ARHGEF28: variants seen among roughly 807,000 people sequenced by gnomAD.
ARHGEF28 encodes 190 kDa guanine nucleotide exchange factor.
In ARHGEF28, 152 loss-of-function variants were observed where a neutral mutation model predicts 206.6. The ratio of observed to expected loss-of-function variants is 0.74; its 90% CI spans 0.64 to 0.84. The LOEUF (loss-of-function observed/expected upper bound fraction) is 0.84. ARHGEF28 is among the 40% of genes least tolerant of loss of function. The pLI is 0.00. For missense variants in ARHGEF28, 2,028 were observed against 2,073.2 expected (o/e 0.98, Z 0.42); for synonymous variants, 763 against 776.4 (o/e 0.98, Z 0.29).
intron 4 of ARHGEF28, among the ~76,000 whole-genome samples, chr5:73,760,735 C>A (rs1348018666): frequency 6.6e-6 from 1 of 152,058 alleles, no homozygotes; most frequent in Non-Finnish European, 1.5e-5. Flanking sequence ...TGTTTTCTGG[C>A]AGTAAAGAAT....
chr5:73,832,028 T>C (rs190336234), intron 9 of ARHGEF28, among the ~76,000 whole-genome samples: 7 of 152,316 alleles, frequency 4.6e-5, no homozygotes, highest in African/African-American at 1.4e-4. Context: ...TGAAGTTTAA[T>C]TTAAAAATAT....
At chr5:73,703,804 G>C (rs1748748510) in intron 2 of ARHGEF28, among the ~76,000 whole-genome samples, 1 of 151,980 alleles carries the variant, frequency 6.6e-6, no homozygotes, top group South Asian at 2.1e-4. Flanking sequence ...TTGGGAGGCC[G>C]AGGCGGGCAG....
chr5:73,858,056 C>CACT (rs770907765), intron 15 of ARHGEF28, 31 bp from the exon 16 acceptor site: 36 of 1,569,022 alleles, frequency 2.3e-5, no homozygotes, highest in Non-Finnish European at 2.9e-5. Flanking sequence ...CATTTTTCCC[C>CACT]ACTTTCCTAC....
At chr5:73,745,886 T>C (rs1405608791) in intron 2 of ARHGEF28, among the ~76,000 whole-genome samples, 1 of 152,100 alleles carries the variant, frequency 6.6e-6, no homozygotes, top group Non-Finnish European at 1.5e-5. Flanking sequence ...GAAGACTAAA[T>C]TTATTCAAAT....
At chr5:73,897,196 A>G (rs6886723) in intron 29 of ARHGEF28, among the ~76,000 whole-genome samples, 8,394 of 152,256 alleles carry the variant, frequency 0.055, 759 homozygotes, top group African/African-American at 0.19. Context: ...CCTAATAGAT[A>G]ATAGAATGCT....
At chr5:73,710,148 G>A (rs947224832) in intron 2 of ARHGEF28, among the ~76,000 whole-genome samples, 1 of 152,184 alleles carries the variant, frequency 6.6e-6, no homozygotes, top group Non-Finnish European at 1.5e-5. Context: ...GTTTTCCAAA[G>A]TAGCTGTTTT....
At position 73,896,354 on chromosome 5, in the gene ARHGEF28, G is replaced by A. The variant is rs568337422; in HGVS notation, c.3842-1608G>A. 7.2e-5 allele frequency among the ~76,000 whole-genome samples: 11 copies of A among 152,284 alleles called. No individual in the cohort carries two copies. The East Asian group carries it at 9.7e-4, about 13-fold the overall frequency. ...GTAGCAGATGTCAGCGGGGGTCACCGTTAGATGAGGTGGTGTGGGCCAGGC... is the reference window on the plus strand; with the variant it reads ...GTAGCAGATGTCAGCGGGGGTCACCATTAGATGAGGTGGTGTGGGCCAGGC... On this transcript the variant is annotated intron_variant, in intron 29 of 35. Transcript: ENST00000513042.
chr5:73,816,614 CAA>C (rs113097997), intron 9 of ARHGEF28, among the ~76,000 whole-genome samples: 75 of 152,244 alleles, frequency 4.9e-4, no homozygotes, highest in Middle Eastern at 6.8e-3. Flanking sequence ...GATTTGGTAA[CAA>C]GAGGAAAATA....
At chr5:73,873,351 C>T (rs1760232520) in intron 22 of ARHGEF28, 105 bp downstream of exon 22, 1 of 1,353,134 alleles carries the variant, frequency 7.4e-7, no homozygotes, top group Admixed American at 2.6e-5. Context: ...TTGAAACATT[C>T]ATAGTGACAT....
chr5:73,892,046 A>G lies in ARHGEF28; in HGVS notation c.3388-6A>G, dbSNP rs186938285. The G allele has an allele frequency of 1.5e-4, 241 of 1,595,876 alleles. No individual in the cohort carries two copies. The highest frequency in any genetic ancestry group is 1.8e-4 in the Non-Finnish European group (205 of 1,170,134). On this transcript the variant is annotated splice_polypyrimidine_tract_variant and splice_region_variant and intron_variant, in intron 26 of 35. Coordinates refer to ENST00000513042, the MANE Select transcript of ARHGEF28 (RefSeq NM_001177693.2). ...TTTCATCTGCTCACCTTCCTATTTT[A>G]TGTAGGATCAGAAGCCATCAGTTAT... is the stretch of plus-strand genomic sequence containing the variant.
chr5:73,832,910 A>G (rs1450237434), intron 10 of ARHGEF28, among the ~76,000 whole-genome samples: 1 of 152,236 alleles, frequency 6.6e-6, no homozygotes, highest in African/African-American at 2.4e-5. Flanking sequence ...TAATCGATAC[A>G]ACGCATCTAT....
chr5:73,892,183 G>A lies in ARHGEF28; in HGVS notation c.3519G>A (p.Lys1173=). The A allele has an allele frequency of 6.3e-7, 1 of 1,577,328 alleles. No homozygotes were observed. Among genetic ancestry groups the A allele is most frequent in the Non-Finnish European group, 8.6e-7 (1 of 1,159,920 alleles). The change falls in exon 27 of 36, where the codon AAG becomes AAA. Residue 1173 remains lysine (K), a synonymous_variant. Coordinates refer to ENST00000513042, the MANE Select transcript of ARHGEF28 (RefSeq NM_001177693.2). ...PEMYEIHTNS[K]EERNNWMRRI... is the part of the protein sequence containing the mutation. ...TGTATGAAATTCACACCAATTCCAA[G>A]GAGGAACGCAATAACTGGATGAGAC...
chr5:73,813,692 T>C, intron 9 of ARHGEF28: 1 of 1,534,092 alleles, frequency 6.5e-7, no homozygotes. Flanking sequence ...CAGTATCTTT[T>C]CTTTCCTTCA....
In ARHGEF28 at chr5:73,749,549, C is replaced by T. The variant is rs186564809; in HGVS notation, c.34-288C>T. On this transcript the variant is annotated intron_variant, in intron 2 of 35. Transcript: ENST00000513042. ...ACGGCAACGAAGTACCACACTCCTA[C>T]ATCTAGTACATTTTAAAGAAAGAAA... is the stretch of plus-strand genomic sequence containing the variant. Among the ~76,000 whole-genome samples the T allele has an allele frequency of 3.3e-3, 497 of 152,338 alleles. 3 individuals are homozygous for T. The highest frequency in any genetic ancestry group is 7.7e-3 in the African/African-American group (322 of 41,578).
At chr5:73,697,474 T>C (rs1201025256) in intron 2 of ARHGEF28, among the ~76,000 whole-genome samples, 1 of 152,162 alleles carries the variant, frequency 6.6e-6, no homozygotes, top group African/African-American at 2.4e-5. Context: ...GCACGTGTAG[T>C]GAGAGCTGCC....
chr5:73,902,446 T>A (rs780825357), intron 31 of ARHGEF28: 7 of 152,182 alleles, frequency 4.6e-5, no homozygotes, highest in Non-Finnish European at 8.8e-5. Flanking sequence ...CCACTCCAAT[T>A]CAGCTACAGG....
chr5:73,757,063 A>G (rs1289789263), intron 4 of ARHGEF28, among the ~76,000 whole-genome samples: 3 of 151,968 alleles, frequency 2.0e-5, no homozygotes, highest in Admixed American at 2.0e-4. Context: ...GCTGTTTTGG[A>G]TTTGTTTTTT....
At chr5:73,662,323 G>A (rs897656122) in intron 1 of ARHGEF28, among the ~76,000 whole-genome samples, 1 of 152,174 alleles carries the variant, frequency 6.6e-6, no homozygotes, top group Non-Finnish European at 1.5e-5. Flanking sequence ...GATCTGAGAA[G>A]GGGACTTTTA....
At chr5:73,687,225 A>G (rs1377423209) in intron 2 of ARHGEF28, among the ~76,000 whole-genome samples, 5 of 152,158 alleles carry the variant, frequency 3.3e-5, no homozygotes, top group Non-Finnish European at 7.3e-5. Context: ...ATGTTACATG[A>G]TAAAATCTAT....
Sources: allele counts gnomAD v4.1 joint callset (sites outside exome capture counted in the v4.1 genomes callset), GRCh38; gene constraint gnomAD v4.1.1; transcripts MANE v1.5; gene names NCBI Gene and HGNC (gene_info 2026-07-23, HGNC 2026-07-21).